GRID1: variants seen among roughly 807,000 people sequenced by gnomAD.
GRID1 encodes glutamate ionotropic receptor delta type subunit 1, also known as glutamate receptor ionotropic, delta-1.
Under a neutral mutation model 98.0 loss-of-function variants are expected in GRID1, and 28 were observed. The observed-to-expected ratio is 0.29, with a 90% CI of 0.21 to 0.39. The LOEUF (loss-of-function observed/expected upper bound fraction) is 0.39, where lower values mean the gene tolerates loss of function less well. GRID1 is among the 10% of genes least tolerant of loss of function. The probability of loss-of-function intolerance (pLI) is 1.00; values close to 1 mark genes in which losing one functional copy is unlikely to be tolerated. For missense variants in GRID1, 1,111 were observed against 1,340.5 expected (o/e 0.83, Z 2.67); for synonymous variants, 553 against 538.5 (o/e 1.03, Z -0.37).
intron 4 of GRID1, among the ~76,000 whole-genome samples, chr10:85,987,811 T>C (rs146014920): frequency 6.6e-6 from 1 of 151,774 alleles, no homozygotes. Flanking sequence ...TGCATCTGAA[T>C]GGGGTCCCCC....
chr10:85,673,358 G>T (rs1323033003), intron 12 of GRID1, among the ~76,000 whole-genome samples: 1 of 152,334 alleles, frequency 6.6e-6, no homozygotes, highest in South Asian at 2.1e-4. Flanking sequence ...AAGTGGCAAG[G>T]TTTGAGAAGT....
intron 4 of GRID1, among the ~76,000 whole-genome samples, chr10:86,018,424 A>G (rs1045429271): frequency 6.6e-6 from 1 of 152,238 alleles, no homozygotes; most frequent in Non-Finnish European, 1.5e-5. Flanking sequence ...AGCAAATGCT[A>G]CAAGACAGAC....
At chr10:86,217,850 G>A (rs1050864678) in intron 2 of GRID1, among the ~76,000 whole-genome samples, 14 of 152,022 alleles carry the variant, frequency 9.2e-5, no homozygotes, top group Non-Finnish European at 1.6e-4. Flanking sequence ...CTGAGGAACC[G>A]GAGCCTGCAG....
chr10:86,290,723 T>G (rs1170162239), intron 2 of GRID1, among the ~76,000 whole-genome samples: 1 of 151,908 alleles, frequency 6.6e-6, no homozygotes, highest in Non-Finnish European at 1.5e-5. Flanking sequence ...AGATAAAGCA[T>G]GAAAGACCAT....
intron 2 of GRID1, among the ~76,000 whole-genome samples, chr10:86,265,280 C>G (rs1470120830): frequency 6.6e-6 from 1 of 152,274 alleles, no homozygotes; most frequent in Non-Finnish European, 1.5e-5. Flanking sequence ...GCCTTTGTCC[C>G]ATCCTTGCCC....
At chr10:85,906,067 T>C (rs1223891768) in intron 5 of GRID1, among the ~76,000 whole-genome samples, 1 of 152,052 alleles carries the variant, frequency 6.6e-6, no homozygotes, top group Non-Finnish European at 1.5e-5. Flanking sequence ...AAAAAGGTAT[T>C]ATACTAACAC....
intron 4 of GRID1, among the ~76,000 whole-genome samples, chr10:85,971,595 T>G (rs1842409144): frequency 6.6e-6 from 1 of 152,038 alleles, no homozygotes; most frequent in Non-Finnish European, 1.5e-5. Context: ...ATGTGAAAAA[T>G]GCTCAACATC....
chr10:85,916,463 C>G lies in GRID1; in HGVS notation c.727-224G>C, dbSNP rs958317905. Among the ~76,000 whole-genome samples, 10 of 137,536 alleles carry G rather than the reference C, an allele frequency of 7.3e-5. No homozygotes were observed. The highest frequency in any genetic ancestry group is 3.1e-4 in the African/African-American group (10 of 32,356). The allele number at this position is 137,536 out of a possible 152,430, so 90.2% of individuals were successfully genotyped here. On this transcript the variant is annotated intron_variant, in intron 4 of 15. Transcript: ENST00000327946. The surrounding 1 kb of genome is among the most constrained non-coding windows in gnomAD (Gnocchi z 4.0). Reference sequence around the variant, plus strand: ...CTCCCTCCACGCACTCCTGCACCAGCCCAGAGCAAGATTAGACGCTTGGGT... The same window carrying G: ...CTCCCTCCACGCACTCCTGCACCAGGCCAGAGCAAGATTAGACGCTTGGGT...
intron 2 of GRID1, among the ~76,000 whole-genome samples, chr10:86,320,397 G>A (rs1847953422): frequency 6.6e-6 from 1 of 152,176 alleles, no homozygotes; most frequent in South Asian, 2.1e-4. Flanking sequence ...CACCACGGAT[G>A]AACCTTGAAA....
chr10:86,013,820 G>A (rs1439692584), intron 4 of GRID1, among the ~76,000 whole-genome samples: 1 of 152,320 alleles, frequency 6.6e-6, no homozygotes, highest in African/African-American at 2.4e-5. Flanking sequence ...GATAAGATAC[G>A]TGTATATATG....
At chr10:86,102,850 G>A (rs549476095) in intron 4 of GRID1, among the ~76,000 whole-genome samples, 1 of 152,300 alleles carries the variant, frequency 6.6e-6, no homozygotes, top group African/African-American at 2.4e-5. Flanking sequence ...CATGTCATGG[G>A]AGGCACCCAG....
chr10:86,145,855 C>T (rs541523579), intron 3 of GRID1, among the ~76,000 whole-genome samples: 58 of 152,244 alleles, frequency 3.8e-4, no homozygotes, highest in African/African-American at 1.1e-3. Flanking sequence ...TGAACCACAG[C>T]GGGAACCTGC....
At chr10:85,829,445 A>G (rs1842848475) in intron 8 of GRID1, among the ~76,000 whole-genome samples, 1 of 152,188 alleles carries the variant, frequency 6.6e-6, no homozygotes, top group African/African-American at 2.4e-5. Context: ...TGGAAATCCT[A>G]GCCAGAGCAA....
At chr10:86,029,130 A>C (rs1843153121) in intron 4 of GRID1, among the ~76,000 whole-genome samples, 1 of 152,168 alleles carries the variant, frequency 6.6e-6, no homozygotes, top group Non-Finnish European at 1.5e-5. Context: ...TCAAGCTTCT[A>C]ATTGGATTTC....
intron 12 of GRID1, among the ~76,000 whole-genome samples, chr10:85,674,913 A>G (rs1226803451): frequency 6.6e-6 from 1 of 152,154 alleles, no homozygotes; most frequent in Non-Finnish European, 1.5e-5. Flanking sequence ...AGAAATTTAG[A>G]GTATCGTTCT....
intron 2 of GRID1, among the ~76,000 whole-genome samples, chr10:86,222,259 C>T (rs1244461949): frequency 6.6e-6 from 1 of 152,166 alleles, no homozygotes. Flanking sequence ...TGAGCTAGGA[C>T]AAGAACTCAG....
intron 12 of GRID1, among the ~76,000 whole-genome samples, chr10:85,699,051 G>T (rs1564563424): frequency 6.6e-6 from 1 of 151,614 alleles, no homozygotes; most frequent in East Asian, 1.9e-4. Flanking sequence ...GTTTTGTTTT[G>T]TTTTTTGTTT....
At chr10:85,760,299 G>A (rs1040184728) in intron 8 of GRID1, among the ~76,000 whole-genome samples, 1 of 152,202 alleles carries the variant, frequency 6.6e-6, no homozygotes, top group Admixed American at 6.5e-5. Context: ...CATATGGCAA[G>A]AACTCAGTAG....
At chr10:86,238,466 C>G (rs780671345) in intron 2 of GRID1, among the ~76,000 whole-genome samples, 1 of 152,018 alleles carries the variant, frequency 6.6e-6, no homozygotes, top group Non-Finnish European at 1.5e-5. Context: ...TTGAGACCAT[C>G]CTGCCCCCCG....
Sources: allele counts gnomAD v4.1 joint callset (sites outside exome capture counted in the v4.1 genomes callset), GRCh38; gene constraint gnomAD v4.1.1; non-coding constraint Gnocchi (gnomAD v3.1); transcripts MANE v1.5; gene names NCBI Gene and HGNC (gene_info 2026-07-23, HGNC 2026-07-21).